RPL31: variants seen among roughly 807,000 people sequenced by gnomAD.
RPL31 encodes the protein ribosomal protein L31, also known as large ribosomal subunit protein eL31.
For missense variants in RPL31, 95 were observed against 164.0 expected, an observed-to-expected ratio of 0.58 and a Z score of 2.30; for synonymous variants, 51 against 55.0, an observed-to-expected ratio of 0.93 and a Z score of 0.32.
chr2:101,006,101 A>C (rs1678722708), intron 4 of RPL31, 30 bp downstream of exon 4: 2 of 1,604,032 alleles, frequency 1.2e-6, no homozygotes, highest in Non-Finnish European at 1.7e-6. Context: ...AAGCCATTTA[A>C]ATTCATTAGA....
At chr2:101,018,123 T>C in intron 4 of RPL31, 1 of 547,940 alleles carries the variant, frequency 1.8e-6, no homozygotes, top group South Asian at 3.0e-5. Context: ...TATAAAGTTT[T>C]CAGAATAACA....
chr2:101,013,329 G>C (rs1679372179), intron 4 of RPL31, among the ~76,000 whole-genome samples: 1 of 152,220 alleles, frequency 6.6e-6, no homozygotes, highest in South Asian at 2.1e-4. Context: ...TAACTACTAA[G>C]AATGCATACA....
Position 101,002,981 on chromosome 2 carries a change from AC to A in RPL31, c.107+175del, listed in dbSNP as rs561055901. Among the ~76,000 whole-genome samples the A allele has an allele frequency of 1.6e-4, 25 of 152,248 alleles. No homozygotes were observed. In the East Asian group the frequency reaches 4.8e-3, roughly 30 times the overall value. On this transcript the variant is annotated intron_variant, in intron 2 of 4. Transcript: ENST00000264258. ...ACCCTCCGAATACATTCACAGTCTG[AC>A]CAGCTGCATTGGTCTTTCTGACCGC...
intron 3 of RPL31, 99 bp from the exon 4 acceptor site, chr2:101,005,860 C>A: frequency 1.0e-6 from 1 of 1,001,176 alleles, no homozygotes; most frequent in Non-Finnish European, 1.5e-6. Context: ...GAGCAAAGGA[C>A]AGCATTAGAA....
At chr2:101,008,309 C>T (rs776881006), downstream of RPL31, 6 of 1,469,088 alleles carry the variant, frequency 4.1e-6, no homozygotes, top group Non-Finnish European at 3.6e-6. Context: ...GCAGCAGAAC[C>T]AGGGTGGAAG....
downstream of RPL31, chr2:101,010,836 C>T (rs999887205): frequency 5.8e-5 from 59 of 1,023,812 alleles, no homozygotes; most frequent in Non-Finnish European, 7.7e-5. Flanking sequence ...GGGCTGAGAT[C>T]GCGCCACTGT....
chr2:101,012,473 C>G (rs540593766), intron 4 of RPL31, among the ~76,000 whole-genome samples: 1 of 152,264 alleles, frequency 6.6e-6, no homozygotes, highest in African/African-American at 2.4e-5. Flanking sequence ...TATCAAATGT[C>G]CAGGACAGGC....
intron 3 of RPL31, 112 bp from the exon 4 acceptor site, chr2:101,005,847 G>GT: frequency 1.1e-6 from 1 of 899,336 alleles, no homozygotes. Context: ...GTTGGTCAGA[G>GT]TAGAGCAAAG....
rs768877586 is a variant in RPL31 at position 101,004,297 on chromosome 2, C to G, written c.233+14C>G. ...CAAAGGAATAAGGTGCTAAAGTTAT[C>G]TGTATTCGAAGGTGAACTTTTGCAA... is the stretch of plus-strand genomic sequence containing the variant. On this transcript the variant is annotated intron_variant, in intron 3 of 4. Coordinates refer to ENST00000264258, the MANE Select transcript of RPL31 (RefSeq NM_000993.5). The G allele has an allele frequency of 4.3e-6, 7 of 1,613,434 alleles. No individual in the cohort carries two copies. In the South Asian group the frequency reaches 7.7e-5, roughly 18 times the overall value.
intron 4 of RPL31, 62 bp from the exon 5 acceptor site, chr2:101,006,288 T>G: frequency 6.3e-7 from 1 of 1,586,032 alleles, no homozygotes; most frequent in Non-Finnish European, 8.6e-7. Flanking sequence ...TACAAAAGGT[T>G]TTTAGAGTTG....
At chr2:101,010,227 T>C (rs551082743), downstream of RPL31, among the ~76,000 whole-genome samples, 2 of 152,304 alleles carry the variant, frequency 1.3e-5, no homozygotes, top group Admixed American at 1.3e-4. Context: ...TTCTGGAAGA[T>C]GCTCAGAAGT....
exon 5 of RPL31, chr2:101,019,041 G>A: frequency 6.2e-7 from 1 of 1,611,220 alleles, no homozygotes; most frequent in Non-Finnish European, 8.5e-7. Context: ...GCCCATAAAG[G>A]GAGCCCTCCT....
intron 4 of RPL31, among the ~76,000 whole-genome samples, chr2:101,018,459 T>G (rs1453570700): frequency 6.6e-6 from 1 of 152,222 alleles, no homozygotes; most frequent in Admixed American, 6.5e-5. Context: ...GAACTCATCC[T>G]TTAGACAGCA....
At chr2:101,018,697 CT>C (rs1679834585) in intron 4 of RPL31, among the ~76,000 whole-genome samples, 4 of 152,198 alleles carry the variant, frequency 2.6e-5, no homozygotes, top group Non-Finnish European at 4.4e-5. Context: ...GTGAGGGGTC[CT>C]CATAGGTTTG....
Position 101,006,335 on chromosome 2 carries a change from T to TTAC in RPL31, c.347-13_347-11dup. ...GTGATGTGGGTATGGAAATTGACTG[T>TTAC]TACTTCCTTTACAGATCTACAGACA... On this transcript the variant is annotated splice_polypyrimidine_tract_variant and intron_variant, in intron 4 of 4. Transcript: ENST00000264258. 6.2e-7 allele frequency: 1 copy of TTAC among 1,608,448 alleles called. No homozygotes were observed. Among genetic ancestry groups the TTAC allele is most frequent in the Non-Finnish European group, 8.5e-7 (1 of 1,178,136 alleles).
intron 3 of RPL31, chr2:101,004,649 A>G: frequency 4.1e-6 from 1 of 245,804 alleles, no homozygotes; most frequent in Non-Finnish European, 7.6e-6. Flanking sequence ...CAAGTCCACC[A>G]GGAGAGAAGT....
chr2:101,011,686 G>A (rs1679225836), downstream of RPL31: 5 of 687,400 alleles, frequency 7.3e-6, no homozygotes, highest in South Asian at 7.2e-5. Flanking sequence ...GAACCCAAAT[G>A]CACACCAAGC....
In RPL31 at chr2:101,004,489, G is replaced by A; in HGVS notation, c.233+206G>A. The A allele has an allele frequency of 5.4e-6, 3 of 560,720 alleles. No homozygotes were observed. The South Asian group carries it at 8.1e-5, about 15-fold the overall frequency. The allele number at this position is 560,720 out of a possible 1,614,324, so 34.7% of individuals were successfully genotyped here. A position where few individuals can be genotyped will look rare whatever the true frequency, so the allele number is the denominator to read the frequency against. On this transcript the variant is annotated intron_variant, in intron 3 of 4. Transcript: ENST00000264258. Reference sequence around the variant, plus strand: ...GCTTATGAACTGAGACCCAAGGGAAGGAGCCAGCAGTGTAGGGTGGGAAAG... The same window carrying A: ...GCTTATGAACTGAGACCCAAGGGAAAGAGCCAGCAGTGTAGGGTGGGAAAG...
rs561142633 is a variant in RPL31, at chr2:101,017,720, T to C, written c.347-1278T>C. ...CATTCTAACAGATATCCATGGTACATCACTTTATCACAGGCAAGATAGGGT... is the reference window on the plus strand; with the variant it reads ...CATTCTAACAGATATCCATGGTACACCACTTTATCACAGGCAAGATAGGGT... On this transcript the variant is annotated intron_variant, in intron 4 of 4. Coordinates refer to the RPL31 transcript ENST00000409028. 249 of 867,454 alleles carry C rather than the reference T, an allele frequency of 2.9e-4. 2 individuals carry two copies. Among genetic ancestry groups the C allele is most frequent in the Middle Eastern group, 2.5e-3 (10 of 3,934 alleles). 53.7% of individuals were successfully genotyped at this position (867,454 alleles called of 1,614,324 possible). A position where few individuals can be genotyped will look rare whatever the true frequency, so the allele number is the denominator to read the frequency against.
Sources: allele counts gnomAD v4.1 joint callset (sites outside exome capture counted in the v4.1 genomes callset), GRCh38; gene constraint gnomAD v4.1.1; transcripts MANE v1.5; gene names NCBI Gene and HGNC (gene_info 2026-07-23, HGNC 2026-07-21).